Variants in DTNBP1 observed in about 807,000 individuals in gnomAD.
The protein encoded by DTNBP1 is dystrobrevin binding protein 1.
A neutral mutation model predicts 42.8 loss-of-function variants in DTNBP1; 35 were observed. That is an observed-to-expected ratio of 0.82 (90% confidence interval 0.63 to 1.09). The LOEUF (loss-of-function observed/expected upper bound fraction) is 1.09, where lower values mean the gene tolerates loss of function less well. Among genes scored for constraint, DTNBP1 ranks in the 50% least tolerant of loss-of-function variants. DTNBP1 has a pLI of 0.00. For missense variants in DTNBP1, 457 were observed against 424.2 expected (o/e 1.08, Z -0.68); for synonymous variants, 171 against 162.2 (o/e 1.05, Z -0.41).
At chr6:15,538,196 T>C (rs1339232949) in intron 7 of DTNBP1, among the ~76,000 whole-genome samples, 2 of 152,176 alleles carry the variant, frequency 1.3e-5, no homozygotes, top group African/African-American at 2.4e-5. Flanking sequence ...GCTAGGCTTG[T>C]GAAGGGCACT....
chr6:15,526,075 C>T (rs1006099970), intron 8 of DTNBP1, among the ~76,000 whole-genome samples: 1 of 152,234 alleles, frequency 6.6e-6, no homozygotes, highest in East Asian at 1.9e-4. Flanking sequence ...TAATAAAAGC[C>T]AGAAGACTGC....
chr6:15,652,266 C>G, intron 1 of DTNBP1, 126 bp from the exon 2 acceptor site: 2 of 664,268 alleles, frequency 3.0e-6, no homozygotes, highest in Non-Finnish European at 5.0e-6. Flanking sequence ...ACTGCAGCCT[C>G]AATCCTGGGC....
chr6:15,595,190 C>T (rs1304349824), intron 6 of DTNBP1: 1 of 453,550 alleles, frequency 2.2e-6, no homozygotes, highest in Non-Finnish European at 4.4e-6. Flanking sequence ...AAACAGATGA[C>T]TGCTTGAAGT....
chr6:15,620,803 C>G (rs951666835), intron 5 of DTNBP1, among the ~76,000 whole-genome samples: 1 of 152,178 alleles, frequency 6.6e-6, no homozygotes, highest in Non-Finnish European at 1.5e-5. Context: ...GAAGCACAAG[C>G]TTAAAAACCC....
intron 8 of DTNBP1, among the ~76,000 whole-genome samples, chr6:15,526,002 A>G (rs992602906): frequency 8.5e-5 from 13 of 152,210 alleles, no homozygotes; most frequent in Non-Finnish European, 1.8e-4. Context: ...GCAGCCAGAG[A>G]GAGAGGGCAG....
At chr6:15,636,005 T>C (rs116503339) in intron 4 of DTNBP1, among the ~76,000 whole-genome samples, 52 of 152,302 alleles carry the variant, frequency 3.4e-4, no homozygotes, top group African/African-American at 1.2e-3. Flanking sequence ...ACTCAAACTT[T>C]TGGTGGTTTA....
rs60034761 is a variant in DTNBP1, at chr6:15,578,127, C to T, written c.511+14932G>A. On this transcript the variant is annotated intron_variant, in intron 7 of 9. Transcript: ENST00000344537. ...GGCAGGAGAGAAGGAAGGAGTCCAG[C>T]GCCTACACTGAGGGGCTTGCTGTGG... is the stretch of plus-strand genomic sequence containing the variant. 5.0e-4 allele frequency among the ~76,000 whole-genome samples: 76 copies of T among 152,294 alleles called. 2 individuals carry two copies. Among genetic ancestry groups the T allele is most frequent in the African/African-American group, 1.8e-3 (73 of 41,574 alleles).
intron 6 of DTNBP1, among the ~76,000 whole-genome samples, chr6:15,594,258 T>G (rs1383106978): frequency 6.6e-6 from 1 of 150,806 alleles, no homozygotes; most frequent in Non-Finnish European, 1.5e-5. Flanking sequence ...AGGTCAGGAG[T>G]TCGAGATCAG....
intron 5 of DTNBP1, among the ~76,000 whole-genome samples, chr6:15,615,940 G>T (rs1312510339): frequency 5.3e-5 from 8 of 152,168 alleles, no homozygotes; most frequent in African/African-American, 1.9e-4. Context: ...TCAGTGGTTG[G>T]GTGAGGAACA....
At chr6:15,646,440 G>A (rs940554256) in intron 3 of DTNBP1, among the ~76,000 whole-genome samples, 66 of 151,538 alleles carry the variant, frequency 4.4e-4, no homozygotes, top group African/African-American at 1.6e-3. Flanking sequence ...TAACCACATT[G>A]CCCAAAGCAA....
intron 8 of DTNBP1, among the ~76,000 whole-genome samples, chr6:15,525,532 G>A (rs1772324391): frequency 6.6e-6 from 1 of 152,238 alleles, no homozygotes; most frequent in Non-Finnish European, 1.5e-5. Flanking sequence ...CCTCGCTGAA[G>A]AATATGAGAT....
rs1236135578 is a variant in DTNBP1 at position 15,651,307 on chromosome 6, A to G, written c.161+6T>C. 11 of 1,611,620 alleles carry G rather than the reference A, an allele frequency of 6.8e-6. No homozygotes were observed. In the Middle Eastern group the frequency reaches 6.4e-4, roughly 94 times the overall value. On this transcript the variant is annotated splice_donor_region_variant and intron_variant, in intron 3 of 9. Coordinates refer to ENST00000344537, the MANE Select transcript of DTNBP1 (RefSeq NM_032122.5). ...TATAACCTTCCTCTACAAATGAAACACTTACCTGCTAAGTAATTCTAATCC... is the reference window on the plus strand; with the variant it reads ...TATAACCTTCCTCTACAAATGAAACGCTTACCTGCTAAGTAATTCTAATCC...
chr6:15,583,755 T>C (rs1319348521), intron 7 of DTNBP1, among the ~76,000 whole-genome samples: 2 of 152,234 alleles, frequency 1.3e-5, no homozygotes, highest in African/African-American at 4.8e-5. Context: ...AACAAAACGT[T>C]GTCCTGATTC....
At chr6:15,582,325 T>C (rs1456349242) in intron 7 of DTNBP1, among the ~76,000 whole-genome samples, 4 of 152,204 alleles carry the variant, frequency 2.6e-5, no homozygotes, top group African/African-American at 9.6e-5. Flanking sequence ...GCTGAAATGC[T>C]TACTAGCTGG....
intron 7 of DTNBP1, among the ~76,000 whole-genome samples, chr6:15,554,090 C>T (rs1230676848): frequency 1.3e-5 from 2 of 152,176 alleles, no homozygotes; most frequent in East Asian, 1.9e-4. Flanking sequence ...GCTATTACAT[C>T]ATACTCTTTG....
At position 15,621,334 on chromosome 6, in the gene DTNBP1, T is replaced by C. The variant is rs1277554426; in HGVS notation, c.356-5935A>G. On this transcript the variant is annotated intron_variant, in intron 5 of 9. Transcript: ENST00000344537. ...TCCATTTAGATTCTAGCTCTGTTGG[T>C]TGACTACAGAGCTAATGAGGCCAGG... is the stretch of plus-strand genomic sequence containing the variant. Among the ~76,000 whole-genome samples the C allele has an allele frequency of 2.0e-5, 3 of 152,232 alleles. No homozygotes were observed. The East Asian group carries it at 5.8e-4, about 29-fold the overall frequency.
At chr6:15,630,435 AC>A (rs1759625450) in intron 4 of DTNBP1, among the ~76,000 whole-genome samples, 1 of 152,206 alleles carries the variant, frequency 6.6e-6, no homozygotes, top group African/African-American at 2.4e-5. Context: ...AAACTGTTAA[AC>A]AAAACCATGA....
chr6:15,560,251 A>G (rs1774766432), intron 7 of DTNBP1, among the ~76,000 whole-genome samples: 1 of 152,060 alleles, frequency 6.6e-6, no homozygotes, highest in Non-Finnish European at 1.5e-5. Flanking sequence ...GCTTGCAGTG[A>G]GCCGAGATCA....
In DTNBP1 at chr6:15,636,626, T is replaced by C. The variant is rs551040694; in HGVS notation, c.222+1118A>G. On this transcript the variant is annotated intron_variant, in intron 4 of 9. Transcript: ENST00000344537. ...CTCCTTTAGCCAACAGGTACATTTT[T>C]TTTCCCCCTAGCTTAAGCTTTCACC... 2.0e-5 allele frequency among the ~76,000 whole-genome samples: 3 copies of C among 152,284 alleles called. No individual in the cohort carries two copies. The South Asian group carries it at 6.2e-4, about 32-fold the overall frequency.
Sources: allele counts gnomAD v4.1 joint callset (sites outside exome capture counted in the v4.1 genomes callset), GRCh38; gene constraint gnomAD v4.1.1; transcripts MANE v1.5; gene names NCBI Gene and HGNC (gene_info 2026-07-23, HGNC 2026-07-21).